Variants in CFAP299 observed in about 807,000 individuals in gnomAD.
The protein encoded by CFAP299 is cilia and flagella associated protein 299, also known as cilia- and flagella-associated protein 299.
CFAP299 carries 21 observed loss-of-function variants against 27.0 expected under a neutral mutation model. The observed-to-expected ratio is 0.78, with a 90% CI of 0.55 to 1.12. The LOEUF (loss-of-function observed/expected upper bound fraction) is 1.12, where lower values mean the gene tolerates loss of function less well. CFAP299 is among the 50% of genes most tolerant of loss of function. The pLI, the probability that CFAP299 is intolerant of heterozygous loss-of-function variation, is 0.00. For synonymous variants in CFAP299, 104 were observed against 98.1 expected, an observed-to-expected ratio of 1.06 and a Z score of -0.36; for missense variants, 310 against 276.6, an observed-to-expected ratio of 1.12 and a Z score of -0.86.
At chr4:80,567,380 A>T (rs1735355764) in intron 2 of CFAP299, among the ~76,000 whole-genome samples, 1 of 152,102 alleles carries the variant, frequency 6.6e-6, no homozygotes, top group South Asian at 2.1e-4. Flanking sequence ...AGTTATTAAA[A>T]TATAAATTGA....
chr4:80,840,358 A>G (rs1486601054), intron 3 of CFAP299, among the ~76,000 whole-genome samples: 1 of 152,172 alleles, frequency 6.6e-6, no homozygotes, highest in Non-Finnish European at 1.5e-5. Flanking sequence ...CTTAGATGAC[A>G]TGACATTTAA....
At chr4:80,780,756 A>G (rs986822943) in intron 3 of CFAP299, among the ~76,000 whole-genome samples, 1 of 152,016 alleles carries the variant, frequency 6.6e-6, no homozygotes, top group Non-Finnish European at 1.5e-5. Flanking sequence ...AACAATATAT[A>G]CAAAATATGT....
rs748216491 is a variant in CFAP299, at chr4:80,927,838, A to AGG, written c.477-16971_477-16970dup. ...AATCCAGAATAATCTTCCCATTTTA[A>AGG]GGTCAAATCACTAGTAAACTGACAA... On this transcript the variant is annotated intron_variant, in intron 4 of 5. Coordinates refer to ENST00000358105, the MANE Select transcript of CFAP299 (RefSeq NM_152770.3). Among the ~76,000 whole-genome samples, 10 of 152,264 alleles carry AGG rather than the reference A, an allele frequency of 6.6e-5. No homozygotes were observed. In the East Asian group the frequency reaches 7.7e-4, roughly 12 times the overall value.
intron 2 of CFAP299, among the ~76,000 whole-genome samples, chr4:80,577,694 C>T (rs151300391): frequency 1.2e-3 from 184 of 152,190 alleles, no homozygotes; most frequent in African/African-American, 4.3e-3. Context: ...AGCCATCACG[C>T]CCGACCTAGA....
At chr4:80,896,546 A>T (rs1734618198) in intron 4 of CFAP299, among the ~76,000 whole-genome samples, 1 of 152,122 alleles carries the variant, frequency 6.6e-6, no homozygotes. Context: ...GGCTTGAAAA[A>T]GTCAAATCAT....
intron 3 of CFAP299, among the ~76,000 whole-genome samples, chr4:80,840,317 G>A (rs1003369594): frequency 3.3e-5 from 5 of 152,150 alleles, no homozygotes; most frequent in African/African-American, 1.2e-4. Flanking sequence ...TGATAGGTGT[G>A]ACTCAAATGG....
intron 3 of CFAP299, among the ~76,000 whole-genome samples, chr4:80,636,777 A>G (rs1380113133): frequency 6.6e-6 from 1 of 152,154 alleles, no homozygotes; most frequent in Non-Finnish European, 1.5e-5. Context: ...CCTATTTTCT[A>G]TGGCTGCTTT....
chr4:80,558,584 A>G (rs1189364935), intron 2 of CFAP299, among the ~76,000 whole-genome samples: 1 of 151,910 alleles, frequency 6.6e-6, no homozygotes, highest in Non-Finnish European at 1.5e-5. Flanking sequence ...TAACTCCACC[A>G]AATAAGAGCG....
At chr4:80,534,330 A>C (rs891994900) in intron 2 of CFAP299, among the ~76,000 whole-genome samples, 2 of 151,526 alleles carry the variant, frequency 1.3e-5, no homozygotes, top group African/African-American at 2.4e-5. Context: ...AAAAAAAAAA[A>C]AACAACCAAA....
chr4:80,580,073 A>G (rs1271491547), intron 2 of CFAP299, among the ~76,000 whole-genome samples: 5 of 152,138 alleles, frequency 3.3e-5, no homozygotes, highest in Non-Finnish European at 7.4e-5. Context: ...ATTGTGAGCA[A>G]CAGAAACCAA....
rs534025204 is a variant in CFAP299, at chr4:80,844,907, A to T, written c.334-25086A>T. ...TTTTAGGTCTAACATGTAAGCCTTT[A>T]ATCCATCTTGAATTAATTTTTGTAT... On this transcript the variant is annotated intron_variant, in intron 3 of 5. Transcript: ENST00000358105. Among the ~76,000 whole-genome samples the T allele has an allele frequency of 7.2e-5, 11 of 152,252 alleles. No homozygotes were observed. In the East Asian group the frequency reaches 1.2e-3, roughly 16 times the overall value.
chr4:80,608,443 C>T (rs759890194), intron 3 of CFAP299: 11 of 1,031,648 alleles, frequency 1.1e-5, no homozygotes, highest in Non-Finnish European at 1.3e-5. Context: ...TGGCTTCATC[C>T]TACATATATA....
At chr4:80,802,110 G>A (rs908780030) in intron 3 of CFAP299, among the ~76,000 whole-genome samples, 10 of 151,972 alleles carry the variant, frequency 6.6e-5, no homozygotes, top group African/African-American at 2.4e-4. Context: ...AAATATAATT[G>A]TTTTGCCTAT....
intron 3 of CFAP299, among the ~76,000 whole-genome samples, chr4:80,724,145 T>C (rs1280347896): frequency 6.6e-6 from 1 of 152,170 alleles, no homozygotes; most frequent in African/African-American, 2.4e-5. Flanking sequence ...CAAATTTGAC[T>C]ATAAATTTGT....
In CFAP299 at chr4:80,924,550, A is replaced by G. The variant is rs1356304292; in HGVS notation, c.477-20260A>G. Among the ~76,000 whole-genome samples the G allele has an allele frequency of 0.012, 1,760 of 146,474 alleles. 66 individuals carry two copies. In the East Asian group the frequency reaches 0.13, roughly 11 times the overall value. ...TGTGTGTGTGTGTGTATATATATATATATATATATATATCTGTGTCTGTAA... is the reference window on the plus strand; with the variant it reads ...TGTGTGTGTGTGTGTATATATATATGTATATATATATATCTGTGTCTGTAA... On this transcript the variant is annotated intron_variant, in intron 4 of 5. Transcript: ENST00000358105.
intron 3 of CFAP299, among the ~76,000 whole-genome samples, chr4:80,691,709 G>A (rs1237460339): frequency 6.6e-6 from 1 of 151,728 alleles, no homozygotes; most frequent in East Asian, 1.9e-4. Flanking sequence ...TCAGGCAGGA[G>A]AAGGAAATAA....
At chr4:80,482,757 C>T (rs1730628960) in intron 2 of CFAP299, among the ~76,000 whole-genome samples, 1 of 152,170 alleles carries the variant, frequency 6.6e-6, no homozygotes, top group Non-Finnish European at 1.5e-5. Context: ...CAAAAATATG[C>T]TCCACCCAGT....
At chr4:80,859,190 T>C (rs1384613790) in intron 3 of CFAP299, among the ~76,000 whole-genome samples, 1 of 152,174 alleles carries the variant, frequency 6.6e-6, no homozygotes, top group Non-Finnish European at 1.5e-5. Context: ...CTTTTGATCT[T>C]TGTTGGTTTA....
chr4:80,439,988 A>C (rs1018800555), intron 2 of CFAP299, among the ~76,000 whole-genome samples: 2 of 152,178 alleles, frequency 1.3e-5, no homozygotes, highest in Non-Finnish European at 2.9e-5. Context: ...GCTGTAGTTA[A>C]GCTGTCTCTG....
Sources: gnomAD v4.1 joint callset for allele counts (sites outside exome capture counted in the v4.1 genomes callset) on GRCh38, gnomAD v4.1.1 for gene constraint, MANE v1.5 for transcripts, NCBI Gene and HGNC (gene_info 2026-07-23, HGNC 2026-07-21) for gene names.